Variants in CADM2 observed in about 807,000 individuals in gnomAD.
The protein encoded by CADM2 is immunoglobulin superfamily member 4D.
Under a neutral mutation model 49.8 loss-of-function variants are expected in CADM2, and 12 were observed. The observed-to-expected ratio is 0.24, with a 90% CI of 0.15 to 0.39. The LOEUF (loss-of-function observed/expected upper bound fraction) is 0.39, where lower values mean the gene tolerates loss of function less well. Ranked by LOEUF, CADM2 falls within the 10% of genes least tolerant of loss-of-function variation. The probability of loss-of-function intolerance (pLI) is 1.00; values close to 1 mark genes in which losing one functional copy is unlikely to be tolerated. For missense variants in CADM2, 378 were observed against 492.3 expected, an observed-to-expected ratio of 0.77 and a Z score of 2.20; for synonymous variants, 214 against 175.4, an observed-to-expected ratio of 1.22 and a Z score of -1.74.
intron 1 of CADM2, among the ~76,000 whole-genome samples, chr3:85,430,610 G>A (rs2036614982): frequency 6.6e-6 from 1 of 151,506 alleles, no homozygotes; most frequent in Non-Finnish European, 1.5e-5. Flanking sequence ...GGAGAAAGGG[G>A]GCGGTGGGGG....
rs571858928 is a variant in CADM2 at position 85,936,476 on chromosome 3, A to T, written c.791+619A>T. 1.3e-4 allele frequency among the ~76,000 whole-genome samples: 20 copies of T among 151,984 alleles called. No homozygotes were observed. The South Asian group carries it at 3.9e-3, about 30-fold the overall frequency. On this transcript the variant is annotated intron_variant, in intron 7 of 9. Coordinates refer to ENST00000383699, the MANE Select transcript of CADM2 (RefSeq NM_001167675.2). ...ATACCAATTATTAAGCAAAACTTAC[A>T]TATGGATATTTAATTATGGATTATT...
intron 1 of CADM2, among the ~76,000 whole-genome samples, chr3:85,617,063 A>G (rs2063819965): frequency 6.6e-6 from 1 of 152,128 alleles, no homozygotes; most frequent in East Asian, 1.9e-4. Flanking sequence ...ATTTCTCCCC[A>G]CCAACAAACA....
intron 1 of CADM2, among the ~76,000 whole-genome samples, chr3:85,252,347 C>T (rs2042794507): frequency 6.6e-6 from 1 of 151,628 alleles, no homozygotes. Flanking sequence ...TATTTTGCAA[C>T]AATAAGAAAA....
intron 2 of CADM2, among the ~76,000 whole-genome samples, chr3:85,730,438 T>A (rs2067880872): frequency 9.6e-6 from 1 of 104,346 alleles, no homozygotes. Flanking sequence ...GCAGACTCTG[T>A]CTAAATAAAA....
chr3:85,883,496 T>G, intron 4 of CADM2, 53 bp downstream of exon 4: 1 of 1,439,610 alleles, frequency 6.9e-7, no homozygotes, highest in Non-Finnish European at 9.5e-7. Context: ...TGATATATAT[T>G]GCTACAGCAA....
At chr3:85,003,554 A>AT (rs1472205003) in intron 1 of CADM2, among the ~76,000 whole-genome samples, 1 of 152,124 alleles carries the variant, frequency 6.6e-6, no homozygotes, top group African/African-American at 2.4e-5. Context: ...GTTGGCAGCA[A>AT]GAGTTAGCCA....
chr3:85,992,675 A>G (rs954861268), intron 8 of CADM2: 1 of 152,172 alleles, frequency 6.6e-6, no homozygotes, highest in Non-Finnish European at 1.5e-5. Flanking sequence ...TCATGTCCAT[A>G]AAAACAATGT....
At chr3:85,698,950 T>C (rs2066656760) in intron 1 of CADM2, among the ~76,000 whole-genome samples, 1 of 152,170 alleles carries the variant, frequency 6.6e-6, no homozygotes, top group African/African-American at 2.4e-5. Flanking sequence ...CTTCTGCCTA[T>C]GAGCTTGTAA....
chr3:85,267,345 G>A (rs1424670281), intron 1 of CADM2, among the ~76,000 whole-genome samples: 1 of 151,366 alleles, frequency 6.6e-6, no homozygotes, highest in Non-Finnish European at 1.5e-5. Context: ...AAACATGCAA[G>A]GCACACTCTT....
intron 1 of CADM2, among the ~76,000 whole-genome samples, chr3:85,021,433 A>C (rs914206694): frequency 6.6e-6 from 1 of 151,326 alleles, no homozygotes; most frequent in Admixed American, 6.7e-5. Flanking sequence ...TGGCTTATTC[A>C]AATATGCCTA....
At chr3:85,573,665 G>C (rs1313886180) in intron 1 of CADM2, among the ~76,000 whole-genome samples, 3 of 152,072 alleles carry the variant, frequency 2.0e-5, no homozygotes, top group Admixed American at 2.0e-4. Context: ...ACAAATTATT[G>C]TCCATAAAGT....
intron 1 of CADM2, among the ~76,000 whole-genome samples, chr3:85,548,822 A>C (rs1471733684): frequency 6.6e-6 from 1 of 152,172 alleles, no homozygotes; most frequent in African/African-American, 2.4e-5. Context: ...TTAGAGTCCA[A>C]ATGTGAACAC....
intron 1 of CADM2, among the ~76,000 whole-genome samples, chr3:85,654,229 A>G (rs1048482291): frequency 6.6e-6 from 1 of 152,172 alleles, no homozygotes; most frequent in Non-Finnish European, 1.5e-5. Context: ...CAACAGAGAA[A>G]AAAGAGGACC....
In CADM2 at chr3:85,931,613, T is replaced by A. The variant is rs542733830; in HGVS notation, c.701-4154T>A. On this transcript the variant is annotated intron_variant, in intron 6 of 9. Transcript: ENST00000383699. ...ATGCAGCAATGGTATCTGATCAGAT[T>A]TGAAGGTAATGAATGATTGCCCTTA... Among the ~76,000 whole-genome samples, 5 of 152,274 alleles carry A rather than the reference T, an allele frequency of 3.3e-5. No individual in the cohort carries two copies. The East Asian group carries it at 5.8e-4, about 18-fold the overall frequency.
intron 1 of CADM2, among the ~76,000 whole-genome samples, chr3:85,075,067 AG>A (rs945700000): frequency 5.3e-5 from 8 of 152,084 alleles, no homozygotes; most frequent in Non-Finnish European, 8.8e-5. Context: ...CCCATAAAGG[AG>A]GGGAAAAAAG....
chr3:85,778,853 A>C (rs138006924), intron 2 of CADM2, among the ~76,000 whole-genome samples: 1 of 152,182 alleles, frequency 6.6e-6, no homozygotes, highest in East Asian at 1.9e-4. Context: ...ATCTCCTCTG[A>C]CCAAAAAATC....
At chr3:85,938,618 C>T (rs1721462398) in intron 7 of CADM2, among the ~76,000 whole-genome samples, 2 of 152,046 alleles carry the variant, frequency 1.3e-5, no homozygotes, top group Admixed American at 6.6e-5. Context: ...CCCTGTTTTA[C>T]TCAGGTAATC....
intron 5 of CADM2, among the ~76,000 whole-genome samples, chr3:85,889,984 T>C (rs535453349): frequency 6.6e-5 from 10 of 152,200 alleles, no homozygotes; most frequent in African/African-American, 2.4e-4. Context: ...GATCTGTTTA[T>C]TGAGTAAATG....
At chr3:86,026,166 A>G (rs1733878860) in intron 8 of CADM2, among the ~76,000 whole-genome samples, 1 of 152,136 alleles carries the variant, frequency 6.6e-6, no homozygotes, top group Non-Finnish European at 1.5e-5. Flanking sequence ...GAAGTTAGAT[A>G]ATAGTTTCAA....
Sources: allele counts gnomAD v4.1 joint callset (sites outside exome capture counted in the v4.1 genomes callset), GRCh38; gene constraint gnomAD v4.1.1; transcripts MANE v1.5; gene names NCBI Gene and HGNC (gene_info 2026-07-23, HGNC 2026-07-21).